IRGM: variants seen among roughly 807,000 people sequenced by gnomAD.
IRGM encodes immunity-related GTPase family M protein.
For missense variants in IRGM, 288 were observed against 219.9 expected (o/e 1.31, Z -1.96); for synonymous variants, 98 against 80.6 (o/e 1.22, Z -1.16).
intron 1 of IRGM, among the ~76,000 whole-genome samples, chr5:150,876,715 G>A (rs1289753181): frequency 6.6e-6 from 1 of 152,188 alleles, no homozygotes; most frequent in Non-Finnish European, 1.5e-5. Flanking sequence ...CCTCAGGAAT[G>A]AAGGTTTGGG....
chr5:150,865,154 T>A (rs886220887), intron 1 of IRGM, among the ~76,000 whole-genome samples: 1 of 152,206 alleles, frequency 6.6e-6, no homozygotes, highest in Admixed American at 6.5e-5. Context: ...TTCTGACCAG[T>A]AAGCGTTAAC....
chr5:150,848,479 C>G lies in IRGM; in HGVS notation c.356C>G (p.Ala119Gly). 1 of 1,551,806 alleles carries G rather than the reference C, an allele frequency of 6.4e-7. No homozygotes were observed. The highest frequency in any genetic ancestry group is 8.7e-7 in the Non-Finnish European group (1 of 1,146,964). The change falls in exon 2 of 2, where the codon GCA (alanine) becomes GGA (glycine). Residue 119 changes from alanine (A) to glycine (G), a missense_variant. Transcript: ENST00000522154. ...AACCGGTATGACTTCATCATGGTTGCATCTGCACAATTCAGCATGAATCAT... is the reference window on the plus strand; with the variant it reads ...AACCGGTATGACTTCATCATGGTTGGATCTGCACAATTCAGCATGAATCAT... ...QFNRYDFIMV[A>G]SAQFSMNHVM...
chr5:150,885,009 G>C (rs895703146), intron 3 of IRGM, among the ~76,000 whole-genome samples: 5 of 152,084 alleles, frequency 3.3e-5, no homozygotes, highest in African/African-American at 1.2e-4. Context: ...ATCCAGGATG[G>C]TATTGCCTAG....
chr5:150,890,506 T>C (rs1754593580), intron 3 of IRGM, among the ~76,000 whole-genome samples: 1 of 151,952 alleles, frequency 6.6e-6, no homozygotes. Context: ...CTGCTGTTTA[T>C]AATGCATTTC....
chr5:150,862,044 C>A (rs983006277), intron 1 of IRGM, among the ~76,000 whole-genome samples: 1 of 152,198 alleles, frequency 6.6e-6, no homozygotes, highest in Non-Finnish European at 1.5e-5. Context: ...ATGAAGTTCC[C>A]AGCCAGGGGT....
At chr5:150,865,929 G>C (rs1754201459) in intron 1 of IRGM, among the ~76,000 whole-genome samples, 1 of 152,068 alleles carries the variant, frequency 6.6e-6, no homozygotes, top group East Asian at 1.9e-4. Context: ...GCTAATTTTT[G>C]TATTTTTGGT....
intron 3 of IRGM, among the ~76,000 whole-genome samples, chr5:150,884,469 G>A (rs1163288968): frequency 4.6e-5 from 7 of 151,998 alleles, no homozygotes; most frequent in Admixed American, 4.6e-4. Flanking sequence ...TGGTAGTTTT[G>A]CTTTTAGCTC....
At chr5:150,848,734 G>A (rs1027998525), downstream of IRGM, 1 of 1,186,256 alleles carries the variant, frequency 8.4e-7, no homozygotes, top group African/African-American at 1.5e-5. Flanking sequence ...TATTTCACTG[G>A]ACTCATTGAA....
chr5:150,896,760 G>C, intron 3 of IRGM: 3 of 1,613,702 alleles, frequency 1.9e-6, no homozygotes, highest in Non-Finnish European at 2.5e-6. Flanking sequence ...TTTATGCCCT[G>C]ATGCCTCAGT....
At chr5:150,895,549 G>C in intron 3 of IRGM, 2 of 1,613,542 alleles carry the variant, frequency 1.2e-6, no homozygotes, top group East Asian at 2.2e-5. Context: ...TGTAAAACAA[G>C]GTCTGACTTC....
intron 1 of IRGM, among the ~76,000 whole-genome samples, chr5:150,859,564 T>C (rs1754106867): frequency 6.6e-6 from 1 of 152,182 alleles, no homozygotes; most frequent in Non-Finnish European, 1.5e-5. Flanking sequence ...TCCTGGACTT[T>C]TTTTGGTTGG....
intron 1 of IRGM, among the ~76,000 whole-genome samples, chr5:150,854,486 G>C (rs1305577958): frequency 1.3e-5 from 2 of 152,140 alleles, no homozygotes; most frequent in African/African-American, 4.8e-5. Context: ...ACTGATTATA[G>C]TGGAGGACTA....
chr5:150,884,210 A>G, intron 3 of IRGM, among the ~76,000 whole-genome samples: 1 of 152,150 alleles, frequency 6.6e-6, no homozygotes, highest in South Asian at 2.1e-4. Context: ...CATAAGGAAA[A>G]ATATACTTTA....
chr5:150,886,128 A>C (rs904040667), intron 3 of IRGM, among the ~76,000 whole-genome samples: 2 of 152,060 alleles, frequency 1.3e-5, no homozygotes, highest in Non-Finnish European at 2.9e-5. Flanking sequence ...GTTGAATTTT[A>C]TTGAAAGCAT....
At chr5:150,862,091 G>T (rs1248216245) in intron 1 of IRGM, among the ~76,000 whole-genome samples, 1 of 152,222 alleles carries the variant, frequency 6.6e-6, no homozygotes, top group Non-Finnish European at 1.5e-5. Context: ...AAAAGGATCT[G>T]CTTCCAAGCT....
At chr5:150,893,231 T>C (rs1258642115) in intron 3 of IRGM, among the ~76,000 whole-genome samples, 4 of 152,172 alleles carry the variant, frequency 2.6e-5, no homozygotes, top group Non-Finnish European at 1.5e-5. Flanking sequence ...AATGCCAACT[T>C]TGTCATAATT....
At chr5:150,900,151 G>T (rs1271347700) in intron 3 of IRGM, among the ~76,000 whole-genome samples, 1 of 152,068 alleles carries the variant, frequency 6.6e-6, no homozygotes, top group Non-Finnish European at 1.5e-5. Flanking sequence ...TATGATTGAT[G>T]AACTCTCTTA....
At chr5:150,899,224 G>A (rs904387380) in intron 3 of IRGM, among the ~76,000 whole-genome samples, 1 of 152,022 alleles carries the variant, frequency 6.6e-6, no homozygotes, top group Non-Finnish European at 1.5e-5. Context: ...AAGCCACCCA[G>A]TTTGTGGTAC....
downstream of IRGM, among the ~76,000 whole-genome samples, chr5:150,901,617 A>G (rs1178439085): frequency 1.3e-5 from 2 of 152,148 alleles, no homozygotes; most frequent in Non-Finnish European, 2.9e-5. Context: ...AGCTGATTTC[A>G]AGATTTCACA....
Sources: allele counts gnomAD v4.1 joint callset (sites outside exome capture counted in the v4.1 genomes callset), GRCh38; gene constraint gnomAD v4.1.1; transcripts MANE v1.5; gene names NCBI Gene and HGNC (gene_info 2026-07-23, HGNC 2026-07-21).